PTPN14: variants seen among roughly 807,000 people sequenced by gnomAD.
The protein encoded by PTPN14 is protein tyrosine phosphatase non-receptor type 14.
Under a neutral mutation model 126.8 loss-of-function variants are expected in PTPN14, and 53 were observed. The observed-to-expected ratio is 0.42, with a 90% CI of 0.34 to 0.53. PTPN14 has a LOEUF of 0.53. PTPN14 is among the 20% of genes least tolerant of loss of function. PTPN14 has a pLI of 0.08. For missense variants in PTPN14, 1,257 were observed against 1,552.9 expected (o/e 0.81, Z 3.20); for synonymous variants, 630 against 599.3 (o/e 1.05, Z -0.75).
chr1:214,403,187 C>T (rs754709307), intron 5 of PTPN14, among the ~76,000 whole-genome samples: 15 of 152,278 alleles, frequency 9.9e-5, no homozygotes, highest in South Asian at 2.1e-4. Flanking sequence ...TGGGTTGCCG[C>T]GTAAGTTCTG....
chr1:214,475,531 C>T (rs1660849008), intron 1 of PTPN14, among the ~76,000 whole-genome samples: 2 of 152,192 alleles, frequency 1.3e-5, no homozygotes, highest in South Asian at 2.1e-4. Context: ...TGTAAGACAC[C>T]CCACCCTTCT....
At chr1:214,399,085 G>C (rs1405987951) in intron 7 of PTPN14, among the ~76,000 whole-genome samples, 3 of 152,212 alleles carry the variant, frequency 2.0e-5, no homozygotes, top group African/African-American at 4.8e-5. Flanking sequence ...TAAATTTTAA[G>C]TGTTCTAACC....
chr1:214,362,633 A>G (rs1186416427), intron 18 of PTPN14, among the ~76,000 whole-genome samples: 1 of 152,250 alleles, frequency 6.6e-6, no homozygotes, highest in African/African-American at 2.4e-5. Flanking sequence ...AGCTCAGAAC[A>G]GAATAGTCTT....
At chr1:214,425,612 T>C (rs1659643960) in intron 3 of PTPN14, among the ~76,000 whole-genome samples, 1 of 152,158 alleles carries the variant, frequency 6.6e-6, no homozygotes, top group Non-Finnish European at 1.5e-5. Flanking sequence ...AGACAGTCAA[T>C]TACATACTGG....
intron 1 of PTPN14, among the ~76,000 whole-genome samples, chr1:214,522,761 G>A (rs956411891): frequency 7.2e-5 from 11 of 152,296 alleles, no homozygotes; most frequent in African/African-American, 2.6e-4. Flanking sequence ...ACCGCAAGCA[G>A]TAAAAGCTTT....
intron 1 of PTPN14, among the ~76,000 whole-genome samples, chr1:214,514,754 A>G (rs1014024568): frequency 6.6e-6 from 1 of 152,220 alleles, no homozygotes; most frequent in Admixed American, 6.5e-5. Context: ...ACTTTGTGCA[A>G]CACCACACAT....
At chr1:214,369,857 A>C (rs1235271713) in intron 16 of PTPN14, among the ~76,000 whole-genome samples, 166 bp from the exon 17 acceptor site, 5 of 152,214 alleles carry the variant, frequency 3.3e-5, no homozygotes, top group African/African-American at 1.2e-4. Flanking sequence ...GCTAGTTAAG[A>C]CCAATAACAC....
intron 3 of PTPN14, among the ~76,000 whole-genome samples, chr1:214,443,767 T>C (rs1660084422): frequency 6.6e-6 from 1 of 152,214 alleles, no homozygotes. Context: ...CATGGGGTAC[T>C]GTGCAACTAA....
chr1:214,445,534 G>T (rs1660123554), intron 3 of PTPN14, among the ~76,000 whole-genome samples: 1 of 143,924 alleles, frequency 6.9e-6, no homozygotes, highest in African/African-American at 2.6e-5. Context: ...GTAATGCAAA[G>T]ACAAACATGT....
Position 214,384,668 on chromosome 1 carries a change from G to A in PTPN14, c.1187C>T (p.Ser396Phe), listed in dbSNP as rs1658567158. 6.2e-7 allele frequency: 1 copy of A among 1,614,046 alleles called. No homozygotes were observed. The highest frequency in any genetic ancestry group is 1.7e-5 in the Admixed American group (1 of 60,004). Residue 396 changes from serine (S) to phenylalanine (F), a missense_variant, in exon 13 of 19, where the codon TCC (serine) becomes TTC (phenylalanine). This residue lies in a region of PTPN14 where 1,021 missense variants were observed against 1,183.3 expected (regional missense o/e 0.86). Coordinates refer to ENST00000366956, the MANE Select transcript of PTPN14 (RefSeq NM_005401.5). The surrounding 1 kb of genome is among the most constrained non-coding windows in gnomAD (Gnocchi z 5.3). ...GSVCSVHSVNSLNCSQSFIQA... is the reference protein window; with the variant it reads ...GSVCSVHSVNFLNCSQSFIQA... ...GATGAAACTTTGCGAGCAGTTGAGGGAGTTGACGCTGTGAACGCTACACAC... is the reference window on the plus strand; with the variant it reads ...GATGAAACTTTGCGAGCAGTTGAGGAAGTTGACGCTGTGAACGCTACACAC...
chr1:214,437,628 C>T (rs1276152316), intron 3 of PTPN14, among the ~76,000 whole-genome samples: 1 of 152,188 alleles, frequency 6.6e-6, no homozygotes, highest in African/African-American at 2.4e-5. Context: ...AAAATTGCTA[C>T]AGAAGAACCT....
intron 17 of PTPN14, among the ~76,000 whole-genome samples, chr1:214,365,554 T>C (rs1283503226): frequency 1.3e-5 from 2 of 152,200 alleles, no homozygotes; most frequent in African/African-American, 4.8e-5. Context: ...AGGTTCTTGA[T>C]ACTCAGTGAA....
chr1:214,454,732 C>T (rs1434859268), intron 2 of PTPN14, among the ~76,000 whole-genome samples: 1 of 152,214 alleles, frequency 6.6e-6, no homozygotes, highest in African/African-American at 2.4e-5. Flanking sequence ...AAATTTATCA[C>T]TGCTGTTGTA....
chr1:214,421,479 A>G (rs1659542734), intron 3 of PTPN14, among the ~76,000 whole-genome samples: 1 of 152,210 alleles, frequency 6.6e-6, no homozygotes, highest in Non-Finnish European at 1.5e-5. Context: ...ACTAAAAGTC[A>G]CTGAATTGTA....
chr1:214,349,130 C>T lies in PTPN14; in HGVS notation c.*8792G>A, dbSNP rs1193506780. The T allele has an allele frequency of 1.3e-5, 2 of 152,216 alleles. No individual in the cohort carries two copies. Among genetic ancestry groups the T allele is most frequent in the Admixed American group, 1.3e-4 (2 of 15,284 alleles). 9.4% of individuals were successfully genotyped at this position (152,216 alleles called of 1,614,324 possible). ...AACATCTCACCCCTCCCTCTGCTTACAACTACAGTTTGGTAGTAAGGAGAC... is the reference window on the plus strand; with the variant it reads ...AACATCTCACCCCTCCCTCTGCTTATAACTACAGTTTGGTAGTAAGGAGAC... On this transcript the variant is annotated 3_prime_UTR_variant, in exon 19 of 19. Transcript: ENST00000366956.
chr1:214,497,022 T>G (rs1022907538), intron 1 of PTPN14, among the ~76,000 whole-genome samples: 1 of 152,084 alleles, frequency 6.6e-6, no homozygotes, highest in Non-Finnish European at 1.5e-5. Flanking sequence ...ACAGATTTTA[T>G]TAAATAAATT....
At chr1:214,460,037 C>G (rs1660474958) in intron 2 of PTPN14, among the ~76,000 whole-genome samples, 1 of 152,206 alleles carries the variant, frequency 6.6e-6, no homozygotes, top group African/African-American at 2.4e-5. Flanking sequence ...CACTACAAGT[C>G]TCTGGGAACT....
In PTPN14 at chr1:214,364,730, AG is replaced by A; in HGVS notation, c.3272-56del. ...AAAGTCCTCCATGGCTTCGCATGTA[AG>A]TTGGGGAGGGGGGAGCGGAAGAGAA... On this transcript the variant is annotated intron_variant, in intron 17 of 18. Coordinates refer to ENST00000366956, the MANE Select transcript of PTPN14 (RefSeq NM_005401.5). The surrounding 1 kb of genome is among the most constrained non-coding windows in gnomAD (Gnocchi z 4.1). 6.6e-7 allele frequency: 1 copy of A among 1,523,778 alleles called. No individual in the cohort carries two copies. Among genetic ancestry groups the A allele is most frequent in the Non-Finnish European group, 8.9e-7 (1 of 1,129,510 alleles). The allele number at this position is 1,523,778 out of a possible 1,614,324, so 94.4% of individuals were successfully genotyped here.
At chr1:214,485,819 G>A (rs560740467) in intron 1 of PTPN14, among the ~76,000 whole-genome samples, 8 of 151,836 alleles carry the variant, frequency 5.3e-5, no homozygotes, top group African/African-American at 1.2e-4. Context: ...TCCGCCTCCC[G>A]GGTTCACGCC....
Sources: allele counts gnomAD v4.1 joint callset (sites outside exome capture counted in the v4.1 genomes callset), GRCh38; gene constraint gnomAD v4.1.1; regional missense constraint gnomAD v4.1.1; non-coding constraint Gnocchi (gnomAD v3.1); transcripts MANE v1.5; gene names NCBI Gene and HGNC (gene_info 2026-07-23, HGNC 2026-07-21).